Variants in UBASH3B observed in about 807,000 individuals in gnomAD.
UBASH3B encodes the protein ubiquitin-associated and SH3 domain-containing protein B.
UBASH3B carries 37 observed loss-of-function variants against 83.4 expected under a neutral mutation model. The ratio of observed to expected loss-of-function variants is 0.44; its 90% CI spans 0.34 to 0.58. UBASH3B has a LOEUF of 0.58. UBASH3B is among the 20% of genes least tolerant of loss of function. The probability of loss-of-function intolerance (pLI) is 0.01; values close to 1 mark genes in which losing one functional copy is unlikely to be tolerated. For synonymous variants in UBASH3B, 304 were observed against 318.3 expected (o/e 0.96, Z 0.48); for missense variants, 657 against 827.2 (o/e 0.79, Z 2.52).
intron 10 of UBASH3B, 135 bp from the exon 11 acceptor site, chr11:122,801,053 C>T (rs576414147): frequency 9.2e-7 from 1 of 1,091,600 alleles, no homozygotes. Flanking sequence ...TCCAAATCCA[C>T]ATGCTTCCAT....
At position 122,759,036 on chromosome 11, in the gene UBASH3B, G is replaced by C. The variant is rs1226857170; in HGVS notation, c.162-17183G>C. 2.0e-5 allele frequency among the ~76,000 whole-genome samples: 3 copies of C among 152,214 alleles called. No homozygotes were observed. Among genetic ancestry groups the C allele is most frequent in the Non-Finnish European group, 4.4e-5 (3 of 68,030 alleles). On this transcript the variant is annotated intron_variant, in intron 1 of 13. Coordinates refer to ENST00000284273, the MANE Select transcript of UBASH3B (RefSeq NM_032873.5). The surrounding 1 kb of genome is among the most constrained non-coding windows in gnomAD (Gnocchi z 4.1). ...TCTGTAGGTCAGGAGCCCAGGCATG[G>C]CTTGACTGGGTTCTCTGCTCAGTCT...
intron 5 of UBASH3B, among the ~76,000 whole-genome samples, chr11:122,787,571 G>C (rs1474584631): frequency 6.6e-6 from 1 of 152,144 alleles, no homozygotes; most frequent in East Asian, 1.9e-4. Context: ...ATGTTCTGGT[G>C]TATCACCTTG....
At chr11:122,740,651 C>G (rs1177080470) in intron 1 of UBASH3B, among the ~76,000 whole-genome samples, 1 of 152,096 alleles carries the variant, frequency 6.6e-6, no homozygotes, top group South Asian at 2.1e-4. Context: ...ATAAACCATC[C>G]TGTACACTCC....
chr11:122,744,188 A>G (rs145859550), intron 1 of UBASH3B, among the ~76,000 whole-genome samples: 1 of 152,296 alleles, frequency 6.6e-6, no homozygotes, highest in Non-Finnish European at 1.5e-5. Context: ...TAGATGGAAA[A>G]TGTGAGTACT....
rs756523837 is a variant in UBASH3B at position 122,801,363 on chromosome 11, C to G, written c.1595+31C>G. Reference sequence around the variant, plus strand: ...CCTCGGAAACTGCTGCTTACTGAGGCCAGTGTGGAAGTGCTTTCTGCACTA... The same window carrying G: ...CCTCGGAAACTGCTGCTTACTGAGGGCAGTGTGGAAGTGCTTTCTGCACTA... On this transcript the variant is annotated intron_variant, in intron 11 of 13. Transcript: ENST00000284273. 6.3e-5 allele frequency: 102 copies of G among 1,609,804 alleles called. 1 individual carries two copies. The highest frequency in any genetic ancestry group is 8.3e-5 in the Non-Finnish European group (98 of 1,179,244).
intron 1 of UBASH3B, among the ~76,000 whole-genome samples, chr11:122,728,197 C>G (rs1217954910): frequency 6.6e-6 from 1 of 152,124 alleles, no homozygotes; most frequent in African/African-American, 2.4e-5. Context: ...TGCCTGTCCT[C>G]CATGAGGATG....
At chr11:122,765,998 G>T (rs913593733) in intron 1 of UBASH3B, among the ~76,000 whole-genome samples, 2 of 152,198 alleles carry the variant, frequency 1.3e-5, no homozygotes, top group African/African-American at 4.8e-5. Flanking sequence ...AGCGTGGCTG[G>T]TGCACTGCAG....
intron 1 of UBASH3B, among the ~76,000 whole-genome samples, chr11:122,687,536 T>C (rs1350255734): frequency 6.6e-6 from 1 of 152,010 alleles, no homozygotes; most frequent in African/African-American, 2.4e-5. Flanking sequence ...GGCAGATGAG[T>C]GAGGAGGGAC....
intron 1 of UBASH3B, among the ~76,000 whole-genome samples, chr11:122,683,631 A>ATAATAATAAT (rs1406029913): frequency 7.7e-6 from 1 of 129,180 alleles, no homozygotes; most frequent in Non-Finnish European, 1.8e-5. Flanking sequence ...AATAATAATA[A>ATAATAATAAT]AATAAAATAT....
chr11:122,683,273 T>C (rs1863766299), intron 1 of UBASH3B, among the ~76,000 whole-genome samples: 1 of 151,678 alleles, frequency 6.6e-6, no homozygotes, highest in Non-Finnish European at 1.5e-5. Context: ...GATGTATCAT[T>C]TAGTCTGTAT....
chr11:122,705,204 C>T (rs545466798), intron 1 of UBASH3B, among the ~76,000 whole-genome samples: 42 of 152,134 alleles, frequency 2.8e-4, no homozygotes, highest in African/African-American at 9.4e-4. Flanking sequence ...CCCAGCACTT[C>T]GGGAGGCTGA....
At chr11:122,762,399 A>T (rs942482143) in intron 1 of UBASH3B, among the ~76,000 whole-genome samples, 2 of 152,224 alleles carry the variant, frequency 1.3e-5, no homozygotes, top group Admixed American at 6.5e-5. Context: ...GGAAGAAGGC[A>T]GCCCTGGCCA....
chr11:122,736,087 C>T (rs146732197), intron 1 of UBASH3B, among the ~76,000 whole-genome samples: 110 of 152,272 alleles, frequency 7.2e-4, no homozygotes, highest in Non-Finnish European at 9.1e-4. Context: ...AGTGGAGGTT[C>T]AGAAAGGGGA....
At chr11:122,784,185 C>T (rs1057317335) in intron 5 of UBASH3B, among the ~76,000 whole-genome samples, 1 of 152,066 alleles carries the variant, frequency 6.6e-6, no homozygotes, top group African/African-American at 2.4e-5. Flanking sequence ...CTGCACGCCT[C>T]GGTGTCTCAA....
intron 1 of UBASH3B, among the ~76,000 whole-genome samples, chr11:122,683,422 C>T (rs992156658): frequency 1.3e-5 from 2 of 151,674 alleles, no homozygotes; most frequent in Admixed American, 1.3e-4. Context: ...GGAGACCATC[C>T]TGGCCCACAT....
At chr11:122,785,908 C>A (rs1860940402) in intron 5 of UBASH3B, among the ~76,000 whole-genome samples, 2 of 152,174 alleles carry the variant, frequency 1.3e-5, no homozygotes, top group African/African-American at 4.8e-5. Context: ...ATAAAAAGGG[C>A]TCCAAAGGCA....
chr11:122,707,688 A>C (rs541523704), intron 1 of UBASH3B, among the ~76,000 whole-genome samples: 1 of 151,984 alleles, frequency 6.6e-6, no homozygotes, highest in South Asian at 2.1e-4. Flanking sequence ...CTAATATATA[A>C]TTTTTATTTT....
rs1399616066 is a variant in UBASH3B at position 122,813,237 on chromosome 11, T to C, written c.*3351T>C. On this transcript the variant is annotated 3_prime_UTR_variant, in exon 14 of 14. Coordinates refer to ENST00000284273, the MANE Select transcript of UBASH3B (RefSeq NM_032873.5). ...TGCTTAACATTACCATAAGTGTGTCTTTTCCACTCAACTAGCTGTATTCGT... is the reference window on the plus strand; with the variant it reads ...TGCTTAACATTACCATAAGTGTGTCCTTTCCACTCAACTAGCTGTATTCGT... The C allele has an allele frequency of 6.6e-6, 1 of 152,202 alleles. No individual in the cohort carries two copies. The highest frequency in any genetic ancestry group is 2.4e-5 in the African/African-American group (1 of 41,456). 9.4% of individuals were successfully genotyped at this position (152,202 alleles called of 1,614,324 possible). A position where few individuals can be genotyped will look rare whatever the true frequency, so the allele number is the denominator to read the frequency against.
intron 1 of UBASH3B, among the ~76,000 whole-genome samples, chr11:122,675,769 A>G (rs1277757373): frequency 6.6e-6 from 1 of 152,144 alleles, no homozygotes; most frequent in Non-Finnish European, 1.5e-5. Flanking sequence ...GTAGATAATC[A>G]CAAAACAAGG....
Sources: allele counts gnomAD v4.1 joint callset (sites outside exome capture counted in the v4.1 genomes callset), GRCh38; gene constraint gnomAD v4.1.1; non-coding constraint Gnocchi (gnomAD v3.1); transcripts MANE v1.5; gene names NCBI Gene and HGNC (gene_info 2026-07-23, HGNC 2026-07-21).